Variants in MAP4K4 observed in about 807,000 individuals in gnomAD.
MAP4K4 encodes mitogen-activated protein kinase kinase kinase kinase 4, also known as HPK/GCK-like kinase HGK.
A neutral mutation model predicts 189.6 loss-of-function variants in MAP4K4; 38 were observed. That is an observed-to-expected ratio of 0.20 (90% CI 0.15 to 0.26). The LOEUF (loss-of-function observed/expected upper bound fraction) is 0.26. MAP4K4 is among the 10% of genes least tolerant of loss of function. MAP4K4 has a pLI of 1.00. For synonymous variants in MAP4K4, 610 were observed against 624.3 expected, an observed-to-expected ratio of 0.98 and a Z score of 0.34; for missense variants, 1,054 against 1,726.9, an observed-to-expected ratio of 0.61 and a Z score of 6.91.
intron 3 of MAP4K4, 104 bp downstream of exon 3, chr2:101,790,880 C>A: frequency 1.0e-6 from 1 of 999,942 alleles, no homozygotes; most frequent in Non-Finnish European, 1.5e-6. Flanking sequence ...ATTACTTGAA[C>A]AAATTGCCCT....
chr2:101,818,035 A>G (rs1338522730), intron 3 of MAP4K4, among the ~76,000 whole-genome samples: 1 of 152,108 alleles, frequency 6.6e-6, no homozygotes, highest in Non-Finnish European at 1.5e-5. Flanking sequence ...TTGTAATGTG[A>G]TGTGCCTATT....
chr2:101,737,222 G>A (rs1032590146), intron 2 of MAP4K4, among the ~76,000 whole-genome samples: 11 of 151,842 alleles, frequency 7.2e-5, no homozygotes, highest in Admixed American at 2.0e-4. Flanking sequence ...GAGTGGGTGT[G>A]TGGTTTCTGG....
At chr2:101,751,000 T>C (rs1254994920) in intron 2 of MAP4K4, among the ~76,000 whole-genome samples, 2 of 152,130 alleles carry the variant, frequency 1.3e-5, no homozygotes, top group African/African-American at 2.4e-5. Flanking sequence ...CAGTCCAGGC[T>C]CCACAGCCTG....
intron 2 of MAP4K4, among the ~76,000 whole-genome samples, chr2:101,773,678 A>G (rs2082539322): frequency 6.6e-6 from 1 of 152,206 alleles, no homozygotes; most frequent in Non-Finnish European, 1.5e-5. Flanking sequence ...GTTAAATACT[A>G]GGTCTTATTT....
chr2:101,864,769 A>G (rs532547756), intron 17 of MAP4K4, among the ~76,000 whole-genome samples, 161 bp from the exon 18 acceptor site: 8 of 152,328 alleles, frequency 5.3e-5, no homozygotes, highest in African/African-American at 1.7e-4. Flanking sequence ...CTCCGATTGT[A>G]TCAGTGTAGG....
In MAP4K4 at chr2:101,859,955, A is replaced by G. The variant is rs145615500; in HGVS notation, c.1704+91A>G. On this transcript the variant is annotated intron_variant, in intron 15 of 32. Transcript: ENST00000324219. ...TGTCATATGAGTTCTAGAACGGGCC[A>G]TAGAGTTTAGCTAATTATCTGGTTT... 17 of 1,277,804 alleles carry G rather than the reference A, an allele frequency of 1.3e-5. No individual in the cohort carries two copies. The Admixed American group carries it at 2.0e-4, about 15-fold the overall frequency. The allele number at this position is 1,277,804 out of a possible 1,614,324, so 79.2% of individuals were successfully genotyped here. A position where few individuals can be genotyped will look rare whatever the true frequency, so the allele number is the denominator to read the frequency against.
Position 101,797,889 on chromosome 2 carries a change from G to GTGTTTTTTTTTTTTTTTTTTTTTTTTTT in MAP4K4, c.180+7114_180+7115insGTTTTTTTTTTTTTTTTTTTTTTTTTTT, listed in dbSNP as rs1553478618. Among the ~76,000 whole-genome samples, 30 of 52,326 alleles carry GTGTTTTTTTTTTTTTTTTTTTTTTTTTT rather than the reference G, an allele frequency of 5.7e-4. 5 individuals are homozygous for GTGTTTTTTTTTTTTTTTTTTTTTTTTTT. Among genetic ancestry groups the GTGTTTTTTTTTTTTTTTTTTTTTTTTTT allele is most frequent in the African/African-American group, 1.1e-3 (15 of 13,156 alleles). The allele number at this position is 52,326 out of a possible 152,430, so 34.3% of individuals were successfully genotyped here. A position where few individuals can be genotyped will look rare whatever the true frequency, so the allele number is the denominator to read the frequency against. ...TGAAGCTTTTTAAAACATTCTTTTAGTTTTTTTTTTTTTTTTTTTTTGGAG... is the reference window on the plus strand; with the variant it reads ...TGAAGCTTTTTAAAACATTCTTTTAGTGTTTTTTTTTTTTTTTTTTTTTTTTTTTTTTTTTTTTTTTTTTTTTTTGGAG... On this transcript the variant is annotated intron_variant, in intron 3 of 32. Coordinates refer to ENST00000324219, the Ensembl canonical transcript of MAP4K4.
chr2:101,842,888 G>A (rs1170184180), intron 11 of MAP4K4, among the ~76,000 whole-genome samples: 1 of 152,186 alleles, frequency 6.6e-6, no homozygotes, highest in Non-Finnish European at 1.5e-5. Flanking sequence ...TCTTTACCAA[G>A]GGTTGTATTG....
chr2:101,795,832 A>G (rs2093627795), intron 3 of MAP4K4, among the ~76,000 whole-genome samples: 1 of 152,148 alleles, frequency 6.6e-6, no homozygotes, highest in African/African-American at 2.4e-5. Context: ...TATACTGAAA[A>G]TATTGGTTCC....
chr2:101,725,912 T>G (rs1490089715), intron 2 of MAP4K4, among the ~76,000 whole-genome samples: 1 of 152,204 alleles, frequency 6.6e-6, no homozygotes, highest in Non-Finnish European at 1.5e-5. Flanking sequence ...GTCTTCCCCT[T>G]ACAACCTATT....
chr2:101,752,152 T>C (rs1220520033), intron 2 of MAP4K4, among the ~76,000 whole-genome samples: 5 of 152,220 alleles, frequency 3.3e-5, no homozygotes, highest in Non-Finnish European at 7.3e-5. Context: ...TCCCTGTTTT[T>C]CCAGGGTTGT....
intron 2 of MAP4K4, among the ~76,000 whole-genome samples, chr2:101,780,770 A>G (rs185355040): frequency 2.6e-4 from 40 of 152,296 alleles, no homozygotes; most frequent in African/African-American, 7.5e-4. Context: ...TGCTGAATTA[A>G]ATTATCTTCA....
chr2:101,698,062 TTGG>T, exon 1 of MAP4K4: 1 of 1,325,082 alleles, frequency 7.5e-7, no homozygotes, highest in Non-Finnish European at 1.0e-6. Flanking sequence ...TATTTGTTTT[TTGG>T]TGGCAAAAAG....
chr2:101,833,050 C>T (rs1466131942), intron 7 of MAP4K4, among the ~76,000 whole-genome samples: 2 of 152,124 alleles, frequency 1.3e-5, no homozygotes, highest in Non-Finnish European at 2.9e-5. Context: ...ACTCATGTTG[C>T]CAGGAGTGGC....
intron 2 of MAP4K4, among the ~76,000 whole-genome samples, chr2:101,714,049 T>C (rs1024240279): frequency 7.1e-6 from 1 of 140,028 alleles, no homozygotes; most frequent in Non-Finnish European, 1.6e-5. Flanking sequence ...ACTCATACAA[T>C]AGAGACAAAC....
chr2:101,807,760 AAG>A (rs1289089585), intron 3 of MAP4K4, among the ~76,000 whole-genome samples: 1 of 152,090 alleles, frequency 6.6e-6, no homozygotes, highest in Non-Finnish European at 1.5e-5. Flanking sequence ...AAGATAGAGA[AAG>A]AAAGAGTGGG....
At chr2:101,785,728 CTCTCTCT>C (rs2090620217) in intron 2 of MAP4K4, among the ~76,000 whole-genome samples, 2 of 8,220 alleles carry the variant, frequency 2.4e-4, no homozygotes, top group Non-Finnish European at 3.9e-4. Context: ...CTCTCTCTCT[CTCTCTCT>C]CTCTCTCTCT....
chr2:101,785,686 C>CTTTTCCTTTTTTGAG (rs1558913231), intron 2 of MAP4K4, among the ~76,000 whole-genome samples: 8 of 1,432 alleles, frequency 5.6e-3, no homozygotes, highest in South Asian at 0.024. Context: ...CCCTCTCTCT[C>CTTTTCCTTTTTTGAG]TCTCTCTCTC....
intron 6 of MAP4K4, 43 bp downstream of exon 6, chr2:101,829,637 C>T (rs1343428790): frequency 1.5e-6 from 2 of 1,375,302 alleles, no homozygotes; most frequent in African/African-American, 1.4e-5. Flanking sequence ...TTGCACCTGG[C>T]ACAAGCCAGC....
Sources: allele counts gnomAD v4.1 joint callset (sites outside exome capture counted in the v4.1 genomes callset), GRCh38; gene constraint gnomAD v4.1.1; transcripts MANE v1.5; gene names NCBI Gene and HGNC (gene_info 2026-07-23, HGNC 2026-07-21).